The following EEFSEC variants were observed in gnomAD, a reference collection of about 807,000 sequenced individuals.
EEFSEC encodes selenocysteine-specific elongation factor.
EEFSEC carries 43 observed loss-of-function variants against 42.1 expected under a neutral mutation model. The ratio of observed to expected loss-of-function variants is 1.02; its 90% CI spans 0.80 to 1.32. The LOEUF (loss-of-function observed/expected upper bound fraction) is 1.32, where lower values mean the gene tolerates loss of function less well. EEFSEC is among the 40% of genes most tolerant of loss of function. The pLI, the probability that EEFSEC is intolerant of heterozygous loss-of-function variation, is 0.00. For synonymous variants in EEFSEC, 354 were observed against 339.1 expected, an observed-to-expected ratio of 1.04 and a Z score of -0.48; for missense variants, 745 against 803.6, an observed-to-expected ratio of 0.93 and a Z score of 0.88.
At chr3:128,154,675 T>C (rs1304603516) in intron 1 of EEFSEC, among the ~76,000 whole-genome samples, 1 of 152,094 alleles carries the variant, frequency 6.6e-6, no homozygotes, top group Non-Finnish European at 1.5e-5. Flanking sequence ...GGTCTCAAAC[T>C]CCTGACTTCA....
At chr3:128,342,029 C>A in intron 5 of EEFSEC, 140 bp downstream of exon 5, 1 of 1,205,100 alleles carries the variant, frequency 8.3e-7, no homozygotes, top group Non-Finnish European at 1.1e-6. Flanking sequence ...CTGTACAAGG[C>A]ATCTGATGCC....
At chr3:128,181,916 C>G (rs983070837) in intron 1 of EEFSEC, among the ~76,000 whole-genome samples, 2 of 152,206 alleles carry the variant, frequency 1.3e-5, no homozygotes, top group African/African-American at 4.8e-5. Flanking sequence ...CGGGTTCAAG[C>G]GATTCTCCCA....
At chr3:128,218,794 A>G (rs1486809513) in intron 1 of EEFSEC, among the ~76,000 whole-genome samples, 1 of 152,192 alleles carries the variant, frequency 6.6e-6, no homozygotes, top group Non-Finnish European at 1.5e-5. Context: ...TTAGCTTATT[A>G]TTTTTATATA....
chr3:128,390,474 A>C (rs1462350631), intron 6 of EEFSEC, among the ~76,000 whole-genome samples: 1 of 152,236 alleles, frequency 6.6e-6, no homozygotes, highest in Non-Finnish European at 1.5e-5. Context: ...GGTGAGACAG[A>C]TGTGAATCAC....
intron 1 of EEFSEC, among the ~76,000 whole-genome samples, chr3:128,211,359 T>C (rs550793951): frequency 6.6e-6 from 1 of 152,200 alleles, no homozygotes; most frequent in East Asian, 1.9e-4. Context: ...GTTCAAGGAA[T>C]CCTCCCAACT....
the EEFSEC span, among the ~76,000 whole-genome samples, chr3:128,423,157 G>C: frequency 6.6e-6 from 1 of 152,202 alleles, no homozygotes. Context: ...ATGCTTCATG[G>C]CAGTCACTTG....
intron 1 of EEFSEC, among the ~76,000 whole-genome samples, chr3:128,236,864 C>G (rs1210527351): frequency 6.6e-6 from 1 of 152,256 alleles, no homozygotes; most frequent in Non-Finnish European, 1.5e-5. Flanking sequence ...TCTTTCTCCC[C>G]AGGATGCTTA....
intron 4 of EEFSEC, among the ~76,000 whole-genome samples, chr3:128,294,392 G>T (rs1282833496): frequency 6.6e-6 from 1 of 152,228 alleles, no homozygotes; most frequent in Non-Finnish European, 1.5e-5. Context: ...GAGGGGAAAA[G>T]TGAATTAAGT....
rs1472033089 is a variant in EEFSEC at position 128,358,256 on chromosome 3, A to T, written c.1483A>T (p.Lys495Ter). The T allele has an allele frequency of 6.2e-7, 1 of 1,614,184 alleles. No individual in the cohort carries two copies. Among genetic ancestry groups the T allele is most frequent in the East Asian group, 2.2e-5 (1 of 44,880 alleles). ...DYSVIGRSLF[K>*]KETNIQLFVG... ...CAGTGTGATCGGCCGCTCCCTGTTC[A>T]AAAAGGAAACCAACATCCAGCTCTT... The change falls in exon 6 of 7, where the codon AAA becomes TAA. Residue 495 changes from lysine to a stop codon, truncating the protein, a stop_gained. Transcript: ENST00000254730. LOFTEE classifies it high-confidence loss of function.
At chr3:128,159,896 G>A (rs762788340) in intron 1 of EEFSEC, among the ~76,000 whole-genome samples, 33 of 152,118 alleles carry the variant, frequency 2.2e-4, no homozygotes, top group Non-Finnish European at 4.0e-4. Flanking sequence ...ACTACCTGAC[G>A]TTCTTCATGT....
At chr3:128,216,152 G>A (rs750825567) in intron 1 of EEFSEC, among the ~76,000 whole-genome samples, 10 of 152,156 alleles carry the variant, frequency 6.6e-5, no homozygotes, top group Non-Finnish European at 8.8e-5. Context: ...TTCAAACCAA[G>A]CATTCTGCTA....
intron 6 of EEFSEC, among the ~76,000 whole-genome samples, chr3:128,361,364 G>T (rs1179270776): frequency 6.6e-6 from 1 of 152,138 alleles, no homozygotes; most frequent in African/African-American, 2.4e-5. Context: ...GGGAACGTAG[G>T]CCTGGGGTCT....
intron 1 of EEFSEC, among the ~76,000 whole-genome samples, chr3:128,225,503 A>G (rs2065899583): frequency 6.6e-6 from 1 of 152,178 alleles, no homozygotes; most frequent in Non-Finnish European, 1.5e-5. Flanking sequence ...CTGAGTTTCC[A>G]CCTTTGGAAG....
intron 4 of EEFSEC, among the ~76,000 whole-genome samples, chr3:128,286,699 A>G (rs1215071269): frequency 2.0e-5 from 3 of 152,158 alleles, no homozygotes; most frequent in Non-Finnish European, 2.9e-5. Flanking sequence ...GGAGCCTGAC[A>G]CCTTCTATAG....
chr3:128,154,180 C>G (rs1422974142), intron 1 of EEFSEC, among the ~76,000 whole-genome samples: 2 of 152,012 alleles, frequency 1.3e-5, no homozygotes, highest in African/African-American at 4.8e-5. Flanking sequence ...CATACAAAGG[C>G]TGTCTTCATT....
intron 4 of EEFSEC, among the ~76,000 whole-genome samples, chr3:128,322,061 A>G (rs1335789248): frequency 6.6e-6 from 1 of 152,214 alleles, no homozygotes; most frequent in Non-Finnish European, 1.5e-5. Flanking sequence ...CTGGTACTCT[A>G]GGGCTACTTT....
the EEFSEC span, among the ~76,000 whole-genome samples, chr3:128,417,760 C>A: frequency 6.6e-6 from 1 of 152,136 alleles, no homozygotes; most frequent in Non-Finnish European, 1.5e-5. The surrounding 1 kb of genome is among the most constrained non-coding windows in gnomAD (Gnocchi z 4.3). Context: ...ATTGCCGTAA[C>A]TGTTACTGGC....
At chr3:128,189,855 T>C (rs2065503673) in intron 1 of EEFSEC, among the ~76,000 whole-genome samples, 1 of 151,518 alleles carries the variant, frequency 6.6e-6, no homozygotes, top group Non-Finnish European at 1.5e-5. Context: ...CCAGCCTCCT[T>C]CTACTTCCTT....
At chr3:128,263,828 G>A (rs2066323569) in intron 3 of EEFSEC, among the ~76,000 whole-genome samples, 1 of 152,180 alleles carries the variant, frequency 6.6e-6, no homozygotes, top group Non-Finnish European at 1.5e-5. Flanking sequence ...GAGGAGAATC[G>A]GCTGGTGAGG....
Sources: gnomAD v4.1 joint callset for allele counts (sites outside exome capture counted in the v4.1 genomes callset) on GRCh38, gnomAD v4.1.1 for gene constraint, Gnocchi (gnomAD v3.1) non-coding constraint, MANE v1.5 for transcripts, NCBI Gene and HGNC (gene_info 2026-07-23, HGNC 2026-07-21) for gene names.